The following SLC7A14 variants were observed in gnomAD, a reference collection of about 807,000 sequenced individuals.
SLC7A14 encodes solute carrier family 7 member 14.
Under a neutral mutation model 60.2 loss-of-function variants are expected in SLC7A14, and 37 were observed. The observed-to-expected ratio is 0.61, with a 90% CI of 0.47 to 0.81. The LOEUF (loss-of-function observed/expected upper bound fraction) is 0.81, where lower values mean the gene tolerates loss of function less well. SLC7A14 is among the 30% of genes least tolerant of loss of function. SLC7A14 has a pLI of 0.00. For synonymous variants in SLC7A14, 399 were observed against 395.8 expected (o/e 1.01, Z -0.10); for missense variants, 886 against 982.7 (o/e 0.90, Z 1.32).
chr3:170,492,591 C>A (rs1712256984), intron 4 of SLC7A14, among the ~76,000 whole-genome samples: 1 of 152,168 alleles, frequency 6.6e-6, no homozygotes, highest in South Asian at 2.1e-4. Flanking sequence ...GCCAGCTGAT[C>A]CAGAACAGAG....
intron 1 of SLC7A14, among the ~76,000 whole-genome samples, chr3:170,539,383 C>G (rs1713943557): frequency 6.6e-6 from 1 of 152,192 alleles, no homozygotes; most frequent in Non-Finnish European, 1.5e-5. Flanking sequence ...GCCCTGGCCT[C>G]TCTGTGGTCT....
intron 4 of SLC7A14, among the ~76,000 whole-genome samples, chr3:170,495,085 C>T (rs1712339499): frequency 6.6e-6 from 1 of 152,182 alleles, no homozygotes; most frequent in Non-Finnish European, 1.5e-5. Context: ...AATACGATGC[C>T]AGGAACTTAA....
chr3:170,519,321 C>T (rs1713270499), intron 2 of SLC7A14, among the ~76,000 whole-genome samples: 1 of 152,196 alleles, frequency 6.6e-6, no homozygotes, highest in South Asian at 2.1e-4. Flanking sequence ...GCCAGCTTTT[C>T]CTTTCCTTCC....
chr3:170,481,259 G>T (rs1290964015), intron 6 of SLC7A14, 93 bp from the exon 7 acceptor site: 10 of 1,351,944 alleles, frequency 7.4e-6, no homozygotes, highest in African/African-American at 1.5e-5. Context: ...TCAATAGGCT[G>T]GTGTGATTAA....
At chr3:170,515,294 C>G (rs1346045961) in intron 2 of SLC7A14, among the ~76,000 whole-genome samples, 2 of 145,422 alleles carry the variant, frequency 1.4e-5, no homozygotes, top group Non-Finnish European at 1.5e-5. Context: ...TCCTGGGCGA[C>G]AGAGTGAGAC....
At chr3:170,561,340 G>A (rs544058226) in intron 1 of SLC7A14, among the ~76,000 whole-genome samples, 9 of 152,278 alleles carry the variant, frequency 5.9e-5, no homozygotes, top group East Asian at 1.9e-4. Context: ...GTGCATCTTC[G>A]TACAAAATAT....
Position 170,480,817 on chromosome 3 carries a change from A to G in SLC7A14, c.1465T>C (p.Leu489=). The change falls in exon 7 of 8, where the codon TTG becomes CTG. Residue 489 remains leucine (L), a synonymous_variant. Transcript: ENST00000231706. ...CCTATGAGCATCTCATTGTCTCCCA[A>G]GGATGGTAAGTTCTTGGCCCCACAT... ...NTCGAKNLPS[L]GDNEMLIGKS... The G allele has an allele frequency of 2.5e-6, 4 of 1,614,178 alleles. No individual in the cohort carries two copies. The South Asian group carries it at 3.3e-5, about 13-fold the overall frequency.
chr3:170,482,923 C>G (rs1483991044), intron 6 of SLC7A14, among the ~76,000 whole-genome samples: 1 of 146,844 alleles, frequency 6.8e-6, no homozygotes, highest in Non-Finnish European at 1.5e-5. Context: ...TTTTCATTTT[C>G]AGAGGGGCTG....
intron 1 of SLC7A14, among the ~76,000 whole-genome samples, chr3:170,567,730 G>A (rs944415926): frequency 2.0e-5 from 3 of 152,014 alleles, no homozygotes; most frequent in Non-Finnish European, 4.4e-5. Context: ...ATCTCATTGT[G>A]GTTTTGATTT....
chr3:170,470,845 A>G (rs917551546), intron 7 of SLC7A14, among the ~76,000 whole-genome samples: 4 of 152,164 alleles, frequency 2.6e-5, no homozygotes, highest in African/African-American at 4.8e-5. Flanking sequence ...GTGTGGAAGC[A>G]GGGTGTTTTG....
chr3:170,544,349 G>GAC (rs35781939), intron 1 of SLC7A14, among the ~76,000 whole-genome samples: 1 of 151,914 alleles, frequency 6.6e-6, no homozygotes, highest in Non-Finnish European at 1.5e-5. Context: ...CACACACACA[G>GAC]ACACACACAC....
chr3:170,509,245 A>G (rs1030370171), intron 2 of SLC7A14, among the ~76,000 whole-genome samples: 1 of 152,194 alleles, frequency 6.6e-6, no homozygotes, highest in Non-Finnish European at 1.5e-5. Flanking sequence ...GAAGAGACTT[A>G]TGATTTCTCT....
At chr3:170,547,645 G>C (rs1024020466) in intron 1 of SLC7A14, among the ~76,000 whole-genome samples, 2 of 152,142 alleles carry the variant, frequency 1.3e-5, no homozygotes, top group Non-Finnish European at 2.9e-5. Context: ...AGGAAGAGGA[G>C]GGGTTGGTCT....
intron 1 of SLC7A14, among the ~76,000 whole-genome samples, chr3:170,538,688 G>A (rs1265704904): frequency 1.3e-5 from 2 of 152,192 alleles, no homozygotes; most frequent in Non-Finnish European, 2.9e-5. Flanking sequence ...TGTCTGCACT[G>A]TGTGTGCAAA....
In SLC7A14 at chr3:170,466,034, A is replaced by ACTT. The variant is rs1175365657; in HGVS notation, c.*1018_*1020dup. Reference sequence around the variant, plus strand: ...GGAATGCAACTACCTAAGTCGCTATACTTCAGCCTATTTTGTTTTCAGAGT... The same window carrying ACTT: ...GGAATGCAACTACCTAAGTCGCTATACTTCTTCAGCCTATTTTGTTTTCAGAGT... On this transcript the variant is annotated 3_prime_UTR_variant, in exon 8 of 8. Transcript: ENST00000231706. 2 of 152,208 alleles carry ACTT rather than the reference A, an allele frequency of 1.3e-5. No homozygotes were observed. The highest frequency in any genetic ancestry group is 4.8e-5 in the African/African-American group (2 of 41,450). 9.4% of individuals were successfully genotyped at this position (152,208 alleles called of 1,614,324 possible). A position where few individuals can be genotyped will look rare whatever the true frequency, so the allele number is the denominator to read the frequency against.
At chr3:170,488,935 C>T (rs558943053) in intron 4 of SLC7A14, among the ~76,000 whole-genome samples, 2 of 152,174 alleles carry the variant, frequency 1.3e-5, no homozygotes, top group East Asian at 1.9e-4. Flanking sequence ...AACTCATTCA[C>T]CTTTTTGTAC....
chr3:170,527,011 C>G lies in SLC7A14; in HGVS notation c.-75G>C. On this transcript the variant is annotated 5_prime_UTR_variant, in exon 2 of 8. Coordinates refer to ENST00000231706, the MANE Select transcript of SLC7A14 (RefSeq NM_020949.3). ...AAAGCCTTAGTGGATGGTTCTGGAA[C>G]TCATCTAGTGAACAGGGATCTCCCT... 1.4e-6 allele frequency: 2 copies of G among 1,469,782 alleles called. No homozygotes were observed. Among genetic ancestry groups the G allele is most frequent in the Non-Finnish European group, 1.8e-6 (2 of 1,093,552 alleles). 91.0% of individuals were successfully genotyped at this position (1,469,782 alleles called of 1,614,324 possible).
chr3:170,547,240 G>A (rs943636158), intron 1 of SLC7A14, among the ~76,000 whole-genome samples: 3 of 151,976 alleles, frequency 2.0e-5, no homozygotes, highest in African/African-American at 7.3e-5. Context: ...GGAGGGTTTT[G>A]TTTTCTTTTA....
At chr3:170,486,871 CAA>C (rs59431762) in intron 4 of SLC7A14, among the ~76,000 whole-genome samples, 33,551 of 103,146 alleles carry the variant, frequency 0.33, 4,390 homozygotes, top group African/African-American at 0.41. Flanking sequence ...GACTCCATCT[CAA>C]AAAAAAAAAA....
Sources: allele counts gnomAD v4.1 joint callset (sites outside exome capture counted in the v4.1 genomes callset), GRCh38; gene constraint gnomAD v4.1.1; transcripts MANE v1.5; gene names NCBI Gene and HGNC (gene_info 2026-07-23, HGNC 2026-07-21).